The following GLIS3 variants were observed in gnomAD, a reference collection of about 807,000 sequenced individuals.
The protein encoded by GLIS3 is GLIS family zinc finger 3, also known as zinc finger protein GLIS3.
GLIS3 carries 53 observed loss-of-function variants against 78.6 expected under a neutral mutation model. The ratio of observed to expected loss-of-function variants is 0.67; its 90% CI spans 0.54 to 0.85. The LOEUF (loss-of-function observed/expected upper bound fraction) is 0.85. Among genes scored for constraint, GLIS3 ranks in the 40% least tolerant of loss-of-function variants. The pLI is 0.00. For synonymous variants in GLIS3, 684 were observed against 509.9 expected, an observed-to-expected ratio of 1.34 and a Z score of -4.60; for missense variants, 1,703 against 1,231.1, an observed-to-expected ratio of 1.38 and a Z score of -5.74.
chr9:4,043,454 C>T (rs190562940), intron 4 of GLIS3, among the ~76,000 whole-genome samples: 87 of 152,004 alleles, frequency 5.7e-4, no homozygotes, highest in Non-Finnish European at 3.5e-4. Flanking sequence ...TAATCAGGTA[C>T]GGCTGGTTTG....
chr9:3,828,298 G>A lies in GLIS3; in HGVS notation c.2767C>T (p.Leu923Phe). Residue 923 changes from leucine (L) to phenylalanine (F), a missense_variant, in exon 11 of 11, where the codon CTC (leucine) becomes TTC (phenylalanine). By Grantham distance (22) the Leu-to-Phe change is conservative (BLOSUM62 0). Transcript: ENST00000381971. ...ISTVDRCPSQ[L>F]SSVYTEG is the part of the protein sequence containing the mutation. ...TAGCCTTCGGTGTAGACAGAGGAGA[G>A]CTGGCTAGGACAGCGGTCCACGGTG... 1 of 1,614,114 alleles carries A rather than the reference G, an allele frequency of 6.2e-7. No individual in the cohort carries two copies. Among genetic ancestry groups the A allele is most frequent in the Non-Finnish European group, 8.5e-7 (1 of 1,180,020 alleles).
intron 8 of GLIS3, among the ~76,000 whole-genome samples, chr9:3,878,017 C>T (rs1563804531): frequency 6.6e-6 from 1 of 152,172 alleles, no homozygotes; most frequent in East Asian, 1.9e-4. Context: ...ACTTCATCAG[C>T]CATGTATGCC....
intron 4 of GLIS3, among the ~76,000 whole-genome samples, chr9:4,021,740 G>C (rs546419486): frequency 2.6e-5 from 4 of 152,276 alleles, no homozygotes; most frequent in South Asian, 2.1e-4. Context: ...AAGTATCCAG[G>C]TATTCTGTCA....
intron 2 of GLIS3, among the ~76,000 whole-genome samples, chr9:4,259,549 C>T (rs369972187): frequency 6.6e-6 from 1 of 152,192 alleles, no homozygotes; most frequent in Non-Finnish European, 1.5e-5. Context: ...TAACTCCCCC[C>T]ACCGCCCACC....
chr9:4,285,456 C>A (rs1219615189), intron 2 of GLIS3: 2 of 152,226 alleles, frequency 1.3e-5, no homozygotes, highest in Non-Finnish European at 2.9e-5. Flanking sequence ...TCATTATTCC[C>A]TTCTAGCTTG....
Position 3,968,724 on chromosome 9 carries a change from T to C in GLIS3, c.1711-31535A>G, listed in dbSNP as rs139763862. Among the ~76,000 whole-genome samples, 45 of 152,330 alleles carry C rather than the reference T, an allele frequency of 3.0e-4. 1 individual carries two copies. The East Asian group carries it at 8.3e-3, about 28-fold the overall frequency. ...GATAGTACAATTCAGTTAATTGTTA[T>C]AAATTGAAGAACTCATGTAACCACC... On this transcript the variant is annotated intron_variant, in intron 4 of 10. Transcript: ENST00000381971.
chr9:3,837,326 C>T (rs1818414079), intron 9 of GLIS3, among the ~76,000 whole-genome samples: 1 of 152,172 alleles, frequency 6.6e-6, no homozygotes, highest in Non-Finnish European at 1.5e-5. Flanking sequence ...TCTTTCACTG[C>T]AAAATGGTAC....
In GLIS3 at chr9:3,915,303, C is replaced by A. The variant is rs1380975369; in HGVS notation, c.1984-16468G>T. On this transcript the variant is annotated intron_variant, in intron 6 of 10. Transcript: ENST00000381971. ...CCTCTCAAAAAAACAAAATTCCATC[C>A]CAGAAGTTCAGACTAGAAAGTCAAA... is the stretch of plus-strand genomic sequence containing the variant. Among the ~76,000 whole-genome samples, 4 of 152,118 alleles carry A rather than the reference C, an allele frequency of 2.6e-5. No homozygotes were observed. In the East Asian group the frequency reaches 7.7e-4, roughly 29 times the overall value.
chr9:4,098,283 C>G (rs1032740392), intron 4 of GLIS3, among the ~76,000 whole-genome samples: 2 of 152,182 alleles, frequency 1.3e-5, no homozygotes, highest in East Asian at 3.9e-4. Context: ...AAAGCCATGT[C>G]ATTCACTGAC....
At chr9:4,079,205 A>G (rs773845485) in intron 4 of GLIS3, among the ~76,000 whole-genome samples, 1 of 152,186 alleles carries the variant, frequency 6.6e-6, no homozygotes, top group Non-Finnish European at 1.5e-5. Context: ...TTTTGCACAG[A>G]TGACATTTAT....
intron 2 of GLIS3, among the ~76,000 whole-genome samples, chr9:4,165,695 T>A (rs147806850): frequency 2.5e-4 from 38 of 152,192 alleles, no homozygotes; most frequent in African/African-American, 8.4e-4. Context: ...ACAAGTTGAG[T>A]ATGATGTGCC....
At chr9:4,014,683 A>C (rs1050235732) in intron 4 of GLIS3, among the ~76,000 whole-genome samples, 1 of 152,208 alleles carries the variant, frequency 6.6e-6, no homozygotes, top group Non-Finnish European at 1.5e-5. Flanking sequence ...CTGTGAACTG[A>C]AAGAGAATAG....
the GLIS3 span, among the ~76,000 whole-genome samples, chr9:4,471,154 C>G: frequency 6.6e-6 from 1 of 152,142 alleles, no homozygotes; most frequent in Non-Finnish European, 1.5e-5. Context: ...TAGGAAGAAT[C>G]AATATTGTGA....
At chr9:4,380,227 C>T in the GLIS3 span, among the ~76,000 whole-genome samples, 657 of 152,280 alleles carry the variant, frequency 4.3e-3, 3 homozygotes, top group African/African-American at 0.015. Flanking sequence ...GCCTTCTTGC[C>T]TGCTAATTAG....
intron 4 of GLIS3, among the ~76,000 whole-genome samples, chr9:4,001,107 C>T (rs567459844): frequency 6.6e-6 from 1 of 152,210 alleles, no homozygotes; most frequent in Non-Finnish European, 1.5e-5. Context: ...AGCCCTACTT[C>T]CTACCCTCAA....
intron 2 of GLIS3, among the ~76,000 whole-genome samples, chr9:4,323,173 C>A (rs574080914): frequency 1.3e-5 from 2 of 152,206 alleles, no homozygotes; most frequent in African/African-American, 4.8e-5. Context: ...AATAGGGAAT[C>A]CTTTCCCCAT....
At chr9:4,163,502 C>T (rs1242262529) in intron 2 of GLIS3, among the ~76,000 whole-genome samples, 1 of 152,246 alleles carries the variant, frequency 6.6e-6, no homozygotes, top group African/African-American at 2.4e-5. Flanking sequence ...GGCTTCTAGT[C>T]CAGCCTGGCC....
In GLIS3 at chr9:3,942,172, A is replaced by G. The variant is rs541164781; in HGVS notation, c.1711-4983T>C. Among the ~76,000 whole-genome samples, 8 of 152,302 alleles carry G rather than the reference A, an allele frequency of 5.3e-5. No individual in the cohort carries two copies. In the East Asian group the frequency reaches 1.4e-3, roughly 26 times the overall value. On this transcript the variant is annotated intron_variant, in intron 4 of 10. Transcript: ENST00000381971. ...CCTTTCCTGATCGGGTTTCCATACCATTGCTGATGTCAACTAAACCCAAAC... is the reference window on the plus strand; with the variant it reads ...CCTTTCCTGATCGGGTTTCCATACCGTTGCTGATGTCAACTAAACCCAAAC...
At chr9:3,841,497 G>C (rs1818711654) in intron 9 of GLIS3, among the ~76,000 whole-genome samples, 1 of 152,112 alleles carries the variant, frequency 6.6e-6, no homozygotes, top group Admixed American at 6.5e-5. Context: ...CCTCAACGTG[G>C]GAAGGAGAAG....
Sources: gnomAD v4.1 joint callset for allele counts (sites outside exome capture counted in the v4.1 genomes callset) on GRCh38, gnomAD v4.1.1 for gene constraint, MANE v1.5 for transcripts, NCBI Gene and HGNC (gene_info 2026-07-23, HGNC 2026-07-21) for gene names.